HYCC1: variants seen among roughly 807,000 people sequenced by gnomAD.
HYCC1 encodes hyccin.
At chr7:22,928,358 A>T in the HYCC1 span, among the ~76,000 whole-genome samples, 1 of 152,366 alleles carries the variant, frequency 6.6e-6, no homozygotes, top group South Asian at 2.1e-4. Context: ...GGAGAAGGAA[A>T]TAAAGGGCAC....
chr7:22,985,948 ATATC>A, the HYCC1 span, among the ~76,000 whole-genome samples: 17 of 150,692 alleles, frequency 1.1e-4, 1 homozygote, highest in African/African-American at 2.4e-4. Context: ...TCTAACATAT[ATATC>A]TAACTATAAA....
At chr7:22,962,682 C>T in the HYCC1 span, among the ~76,000 whole-genome samples, 3 of 151,838 alleles carry the variant, frequency 2.0e-5, no homozygotes, top group South Asian at 2.1e-4. Context: ...CCCTGAGATG[C>T]GGGGACATGG....
At chr7:22,911,120 GAAGA>G in the HYCC1 span, among the ~76,000 whole-genome samples, 2 of 152,148 alleles carry the variant, frequency 1.3e-5, no homozygotes, top group Non-Finnish European at 2.9e-5. Context: ...GAACAGAAAG[GAAGA>G]AATATAGGAG....
chr7:22,971,195 G>A, the HYCC1 span, among the ~76,000 whole-genome samples: 3 of 150,906 alleles, frequency 2.0e-5, no homozygotes, highest in Non-Finnish European at 3.0e-5. Context: ...ACCCATTCCA[G>A]TGAGTTTATT....
chr7:22,921,493 G>C, the HYCC1 span, among the ~76,000 whole-genome samples: 15,522 of 152,060 alleles, frequency 0.1, 1,082 homozygotes, highest in East Asian at 0.32. Flanking sequence ...ATGTATTCTT[G>C]GGTTTGTAGA....
chr7:22,906,106 T>C, the HYCC1 span, among the ~76,000 whole-genome samples: 13 of 150,116 alleles, frequency 8.7e-5, no homozygotes, highest in African/African-American at 2.7e-4. Context: ...TATAATAATA[T>C]AGTCATCTGA....
chr7:22,996,826 T>C, the HYCC1 span, among the ~76,000 whole-genome samples: 1 of 152,126 alleles, frequency 6.6e-6, no homozygotes, highest in African/African-American at 2.4e-5. Flanking sequence ...TTAACATCTA[T>C]GCCAAAGACT....
At chr7:22,940,561 T>C in the HYCC1 span, 1 of 152,072 alleles carries the variant, frequency 6.6e-6, no homozygotes, top group Admixed American at 6.6e-5. Context: ...CATAAGTTCT[T>C]TTTTCTAAGT....
At chr7:22,959,836 T>G in the HYCC1 span, among the ~76,000 whole-genome samples, 2 of 152,132 alleles carry the variant, frequency 1.3e-5, no homozygotes, top group African/African-American at 4.8e-5. Flanking sequence ...TACCAGAAAG[T>G]GCAGACAAAG....
the HYCC1 span, among the ~76,000 whole-genome samples, chr7:22,910,376 C>T: frequency 6.6e-6 from 1 of 152,196 alleles, no homozygotes; most frequent in Non-Finnish European, 1.5e-5. Context: ...CTTCACCTTT[C>T]ACCATAATTG....
the HYCC1 span, among the ~76,000 whole-genome samples, chr7:23,002,170 A>ACAAT: frequency 5.9e-5 from 3 of 51,054 alleles, no homozygotes; most frequent in Admixed American, 2.6e-4. Flanking sequence ...ATATATATAT[A>ACAAT]TATATACATA....
chr7:22,973,187 AG>A, the HYCC1 span, among the ~76,000 whole-genome samples: 1 of 152,220 alleles, frequency 6.6e-6, no homozygotes, highest in African/African-American at 2.4e-5. Context: ...ATCATTAAGA[AG>A]CTCTTGTACT....
At chr7:22,920,205 G>A in the HYCC1 span, among the ~76,000 whole-genome samples, 3 of 152,108 alleles carry the variant, frequency 2.0e-5, no homozygotes, top group East Asian at 3.9e-4. Context: ...AAGCTAGGTA[G>A]GCATGGTGGC....
the HYCC1 span, among the ~76,000 whole-genome samples, chr7:22,911,853 T>C: frequency 6.6e-6 from 1 of 152,238 alleles, no homozygotes; most frequent in Admixed American, 6.5e-5. Context: ...TAACTAAATG[T>C]TTCTGATCAT....
chr7:22,978,575 T>C, the HYCC1 span: 2 of 766,850 alleles, frequency 2.6e-6, no homozygotes, highest in Admixed American at 4.8e-5. Flanking sequence ...AATAGCTAAG[T>C]TGTAGGGAGT....
the HYCC1 span, among the ~76,000 whole-genome samples, chr7:22,961,763 C>G: frequency 1.3e-5 from 2 of 152,144 alleles, no homozygotes; most frequent in South Asian, 4.2e-4. Flanking sequence ...TCTTTGCATT[C>G]TGATAATCAC....
At chr7:22,990,960 T>C in the HYCC1 span, 1 of 774,432 alleles carries the variant, frequency 1.3e-6, no homozygotes, top group African/African-American at 1.7e-5. Flanking sequence ...TCCACAGATA[T>C]TTAGCCTTTC....
the HYCC1 span, among the ~76,000 whole-genome samples, chr7:22,985,285 A>G: frequency 6.6e-6 from 1 of 152,222 alleles, no homozygotes; most frequent in Non-Finnish European, 1.5e-5. Context: ...AATTTTTACA[A>G]TAAAGACATT....
the HYCC1 span, among the ~76,000 whole-genome samples, chr7:23,012,897 T>C: frequency 6.6e-6 from 1 of 152,274 alleles, no homozygotes; most frequent in Admixed American, 6.5e-5. Flanking sequence ...GATCCAAGGA[T>C]AAATAATTTG....
Sources: gnomAD v4.1 joint callset for allele counts (sites outside exome capture counted in the v4.1 genomes callset) on GRCh38, gnomAD v4.1.1 for gene constraint, MANE v1.5 for transcripts, NCBI Gene and HGNC (gene_info 2026-07-23, HGNC 2026-07-21) for gene names.